The following MTMR14 variants were observed in gnomAD, a reference collection of about 807,000 sequenced individuals.
MTMR14 encodes the protein myotubularin related protein 14.
A neutral mutation model predicts 86.3 loss-of-function variants in MTMR14; 48 were observed. The ratio of observed to expected loss-of-function variants is 0.56; its 90% CI spans 0.44 to 0.71. The LOEUF (loss-of-function observed/expected upper bound fraction) is 0.71. Among genes scored for constraint, MTMR14 ranks in the 30% least tolerant of loss-of-function variants. The pLI is 0.00. For missense variants in MTMR14, 780 were observed against 834.6 expected, an observed-to-expected ratio of 0.93 and a Z score of 0.81; for synonymous variants, 366 against 326.1, an observed-to-expected ratio of 1.12 and a Z score of -1.32.
chr3:9,687,840 A>C lies in MTMR14; in HGVS notation c.1184A>C (p.Asn395Thr). 2 of 1,581,320 alleles carry C rather than the reference A, an allele frequency of 1.3e-6. No individual in the cohort carries two copies. Among genetic ancestry groups the C allele is most frequent in the Non-Finnish European group, 1.7e-6 (2 of 1,160,946 alleles). ...CTTTAGATTTTCTTCTTCTGCTTCAATTTTTTGAAGCATATTACCTCCGAG... is the reference window on the plus strand; with the variant it reads ...CTTTAGATTTTCTTCTTCTGCTTCACTTTTTTGAAGCATATTACCTCCGAG... Reference protein sequence around the residue: ...KGEEIFFFCFNFLKHITSEEF... With the variant: ...KGEEIFFFCFTFLKHITSEEF... The change falls in exon 14 of 19, where the codon AAT (asparagine) becomes ACT (threonine). Residue 395 changes from asparagine (N) to threonine (T), a missense_variant. By Grantham distance (65) the Asn-to-Thr change is moderately conservative (BLOSUM62 0). Coordinates refer to ENST00000296003, the MANE Select transcript of MTMR14 (RefSeq NM_001077525.3).
intron 17 of MTMR14, among the ~76,000 whole-genome samples, chr3:9,691,589 C>T (rs1203352204): frequency 2.6e-5 from 4 of 152,196 alleles, no homozygotes; most frequent in Non-Finnish European, 5.9e-5. Flanking sequence ...CAGTGAGCTC[C>T]CAAGCTGAGG....
chr3:9,659,672 G>C (rs544776911), intron 2 of MTMR14: 2 of 454,766 alleles, frequency 4.4e-6, no homozygotes, highest in African/African-American at 4.0e-5. Context: ...TTTACCTCCT[G>C]ACCTCAGGTG....
At chr3:9,681,315 C>T (rs1367263633) in intron 9 of MTMR14, among the ~76,000 whole-genome samples, 1 of 152,176 alleles carries the variant, frequency 6.6e-6, no homozygotes, top group African/African-American at 2.4e-5. Context: ...GGGCTGCTGT[C>T]CCTCAGGCAC....
Position 9,677,448 on chromosome 3 carries a change from G to C in MTMR14, c.822+61G>C. Reference sequence around the variant, plus strand: ...TCTCTTTGTAAAGGGAGGCCAAGGAGAACAACAAGCAGTCTTTGGGGAAAA... The same window carrying C: ...TCTCTTTGTAAAGGGAGGCCAAGGACAACAACAAGCAGTCTTTGGGGAAAA... On this transcript the variant is annotated intron_variant, in intron 8 of 18. Coordinates refer to ENST00000296003, the MANE Select transcript of MTMR14 (RefSeq NM_001077525.3). The surrounding 1 kb of genome is among the most constrained non-coding windows in gnomAD (Gnocchi z 4.2). 6.9e-7 allele frequency: 1 copy of C among 1,441,798 alleles called. No individual in the cohort carries two copies. Among genetic ancestry groups the C allele is most frequent in the East Asian group, 2.3e-5 (1 of 44,032 alleles). The allele number at this position is 1,441,798 out of a possible 1,614,324, so 89.3% of individuals were successfully genotyped here.
intron 7 of MTMR14, 133 bp downstream of exon 7, chr3:9,672,891 AT>A: frequency 1.2e-6 from 1 of 841,480 alleles, no homozygotes; most frequent in Non-Finnish European, 2.0e-6. Context: ...AGTGTAGGAC[AT>A]TTTGGTTCCC....
At chr3:9,685,169 C>T (rs757340836) in intron 12 of MTMR14, 42 bp from the exon 13 acceptor site, 2 of 1,613,988 alleles carry the variant, frequency 1.2e-6, no homozygotes, top group Non-Finnish European at 1.7e-6. Context: ...GCCTTGTCAT[C>T]TTGGTGCTGC....
chr3:9,676,297 A>T (rs1431177878), intron 7 of MTMR14, among the ~76,000 whole-genome samples: 1 of 152,236 alleles, frequency 6.6e-6, no homozygotes, highest in Non-Finnish European at 1.5e-5. Context: ...TATTTCTTGA[A>T]GCCACCAGGA....
At chr3:9,696,500 AG>A (rs1266868894) in intron 17 of MTMR14, among the ~76,000 whole-genome samples, 1 of 152,232 alleles carries the variant, frequency 6.6e-6, no homozygotes. Flanking sequence ...CGACAAGAGC[AG>A]GGAAAAACAA....
Position 9,667,800 on chromosome 3 carries a change from A to G in MTMR14, c.418-919A>G, listed in dbSNP as rs930316147. On this transcript the variant is annotated intron_variant, in intron 3 of 18. Transcript: ENST00000296003. ...AAAACTTTCCTTCCCATTATCTTACAGGTAGAGATGGAGAAGCCTTCAGAT... is the reference window on the plus strand; with the variant it reads ...AAAACTTTCCTTCCCATTATCTTACGGGTAGAGATGGAGAAGCCTTCAGAT... 5.3e-5 allele frequency among the ~76,000 whole-genome samples: 8 copies of G among 152,318 alleles called. 1 individual carries two copies. The South Asian group carries it at 8.3e-4, about 16-fold the overall frequency.
intron 9 of MTMR14, among the ~76,000 whole-genome samples, chr3:9,681,501 G>C (rs2075767524): frequency 6.6e-6 from 1 of 152,202 alleles, no homozygotes. Context: ...AGTGGTCACA[G>C]AAACCCCAAA....
chr3:9,665,388 C>T (rs1045808893), intron 3 of MTMR14, among the ~76,000 whole-genome samples: 4 of 151,954 alleles, frequency 2.6e-5, no homozygotes, highest in African/African-American at 9.7e-5. Flanking sequence ...TCAAATACCG[C>T]ATGTTCTCAT....
At chr3:9,680,201 G>C (rs1010896442) in intron 9 of MTMR14, among the ~76,000 whole-genome samples, 1 of 152,108 alleles carries the variant, frequency 6.6e-6, no homozygotes, top group Admixed American at 6.5e-5. Context: ...CCTGAAACTC[G>C]AGTTCTTTGC....
At chr3:9,659,395 A>G (rs547939830) in intron 2 of MTMR14, among the ~76,000 whole-genome samples, 34 of 152,318 alleles carry the variant, frequency 2.2e-4, no homozygotes, top group Non-Finnish European at 4.1e-4. Context: ...CCTAAGGACA[A>G]GAGATAATAA....
chr3:9,692,372 C>G (rs146854957), intron 17 of MTMR14, among the ~76,000 whole-genome samples: 152 of 152,306 alleles, frequency 1.0e-3, no homozygotes, highest in African/African-American at 3.2e-3. Context: ...TTACTAACCC[C>G]GAGCCCACAG....
chr3:9,697,774 A>C lies in MTMR14; in HGVS notation c.1677A>C (p.Val559=), dbSNP rs745574290. Residue 559 remains valine, a synonymous_variant, in exon 18 of 19, where the codon GTA becomes GTC. Transcript: ENST00000296003. ...CAGACTATGGCAGCTGGCAGATGGT[A>C]ACGGGCTGTGGCAGTATTCAGGAGC... ...LSTDYGSWQM[V]TGCGSIQERA... 6.2e-7 allele frequency: 1 copy of C among 1,613,992 alleles called. No homozygotes were observed. The highest frequency in any genetic ancestry group is 1.7e-5 in the Admixed American group (1 of 60,018).
At chr3:9,672,032 G>A (rs1559582126) in intron 6 of MTMR14, among the ~76,000 whole-genome samples, 1 of 152,102 alleles carries the variant, frequency 6.6e-6, no homozygotes, top group Non-Finnish European at 1.5e-5. Flanking sequence ...GTGACTATTA[G>A]AGAAGACAGG....
intron 1 of MTMR14, among the ~76,000 whole-genome samples, chr3:9,651,934 C>T (rs1200302206): frequency 6.6e-6 from 1 of 151,868 alleles, no homozygotes. Flanking sequence ...TGGGTTCAAG[C>T]GATTCTCCTG....
intron 2 of MTMR14, among the ~76,000 whole-genome samples, chr3:9,654,756 T>G (rs960887074): frequency 3.9e-5 from 6 of 152,200 alleles, no homozygotes; most frequent in Non-Finnish European, 1.5e-5. Context: ...AGCAGTGCAT[T>G]CAATAACTTG....
intron 17 of MTMR14, 131 bp downstream of exon 17, chr3:9,690,274 G>A (rs1474718495): frequency 2.0e-6 from 2 of 998,626 alleles, no homozygotes; most frequent in Admixed American, 2.0e-5. Flanking sequence ...CCAGTATTTG[G>A]AGGATGGGTT....
Sources: gnomAD v4.1 joint callset for allele counts (sites outside exome capture counted in the v4.1 genomes callset) on GRCh38, gnomAD v4.1.1 for gene constraint, Gnocchi (gnomAD v3.1) non-coding constraint, MANE v1.5 for transcripts, NCBI Gene and HGNC (gene_info 2026-07-23, HGNC 2026-07-21) for gene names.